Variants in SMG6 observed in about 807,000 individuals in gnomAD.
The protein encoded by SMG6 is SMG6 nonsense mediated mRNA decay factor.
In SMG6, 66 loss-of-function variants were observed where a neutral mutation model predicts 142.2. The ratio of observed to expected loss-of-function variants is 0.46; its 90% CI spans 0.38 to 0.57. The LOEUF is 0.57. Among genes scored for constraint, SMG6 ranks in the 20% least tolerant of loss-of-function variants. The pLI is 0.00. For synonymous variants in SMG6, 779 were observed against 702.4 expected, an observed-to-expected ratio of 1.11 and a Z score of -1.72; for missense variants, 1,793 against 1,832.0, an observed-to-expected ratio of 0.98 and a Z score of 0.39.
intron 12 of SMG6, among the ~76,000 whole-genome samples, chr17:2,182,622 A>G (rs1207829511): frequency 1.3e-5 from 2 of 152,150 alleles, no homozygotes; most frequent in East Asian, 3.9e-4. Flanking sequence ...GAGGTTACCC[A>G]TGAGTCTAGG....
intron 13 of SMG6, among the ~76,000 whole-genome samples, chr17:2,121,156 G>A (rs2069675695): frequency 6.6e-6 from 1 of 152,082 alleles, no homozygotes; most frequent in South Asian, 2.1e-4. Flanking sequence ...TCTAATCCTA[G>A]GCATTTACTC....
At chr17:2,244,606 T>A in intron 9 of SMG6, 52 bp downstream of exon 9, 1 of 1,464,220 alleles carries the variant, frequency 6.8e-7, no homozygotes. Flanking sequence ...AATATTAAAT[T>A]CCAAAATGAC....
At chr17:2,159,293 G>T (rs1196561286) in intron 13 of SMG6, among the ~76,000 whole-genome samples, 1 of 152,024 alleles carries the variant, frequency 6.6e-6, no homozygotes, top group African/African-American at 2.4e-5. Context: ...GGTGTGTGGT[G>T]GCATGCTACA....
chr17:2,188,405 C>A lies in SMG6; in HGVS notation c.2980G>T (p.Ala994Ser), dbSNP rs767735649. 11 of 1,613,678 alleles carry A rather than the reference C, an allele frequency of 6.8e-6. No individual in the cohort carries two copies. The South Asian group carries it at 1.1e-4, about 16-fold the overall frequency. Residue 994 changes from alanine (A) to serine (S), a missense_variant, in exon 11 of 19, where the codon GCC becomes TCC. This residue lies in a region of SMG6 where 1,597 missense variants were observed against 1,584.6 expected (regional missense o/e 1.01). Transcript: ENST00000263073. ...GGGGACTCCTCCTGCTTACCTTTGG[C>A]GGACTCCTTAAGTAAGCAGGTGCAG... The part of the protein sequence containing the change: ...RRCTCLLKES[A>S]KAQLSSPEDQ...
chr17:2,238,763 G>A (rs2073731639), intron 9 of SMG6, among the ~76,000 whole-genome samples: 1 of 152,180 alleles, frequency 6.6e-6, no homozygotes, highest in Non-Finnish European at 1.5e-5. Flanking sequence ...CTCTGGGTCA[G>A]ACTGAAGTCT....
intron 8 of SMG6, among the ~76,000 whole-genome samples, chr17:2,268,354 A>G (rs1256991766): frequency 6.6e-6 from 1 of 152,174 alleles, no homozygotes; most frequent in Admixed American, 6.5e-5. Context: ...TCTGATCTAT[A>G]ATTGTTTTGC....
chr17:2,169,685 C>T lies in SMG6; in HGVS notation c.3357+2973G>A, dbSNP rs919199184. ...ACTGGGTTGAAGGACAGTAGGAGGA[C>T]CTGAGGTCAGAGAGCTTGGGAGTGG... On this transcript the variant is annotated intron_variant, in intron 13 of 18. Transcript: ENST00000263073. Among the ~76,000 whole-genome samples the T allele has an allele frequency of 3.6e-4, 55 of 152,246 alleles. 1 individual carries two copies. Among genetic ancestry groups the T allele is most frequent in the Non-Finnish European group, 7.6e-4 (52 of 68,022 alleles).
intron 13 of SMG6, among the ~76,000 whole-genome samples, chr17:2,145,051 C>T (rs539222784): frequency 1.5e-4 from 23 of 152,290 alleles, no homozygotes; most frequent in African/African-American, 4.8e-4. Context: ...CTGCAGATTT[C>T]TCGTTTTCAT....
At chr17:2,125,445 A>G (rs1439069632) in intron 13 of SMG6, among the ~76,000 whole-genome samples, 1 of 152,264 alleles carries the variant, frequency 6.6e-6, no homozygotes, top group Non-Finnish European at 1.5e-5. Context: ...GATGATGATT[A>G]GCTACAATAT....
At chr17:2,109,915 T>C (rs1459643564) in intron 13 of SMG6, among the ~76,000 whole-genome samples, 1 of 151,824 alleles carries the variant, frequency 6.6e-6, no homozygotes, top group African/African-American at 2.4e-5. Context: ...AAACTCTGTT[T>C]CTACTAAAAA....
chr17:2,257,128 C>T (rs2074202031), intron 8 of SMG6, among the ~76,000 whole-genome samples: 1 of 151,454 alleles, frequency 6.6e-6, no homozygotes, highest in African/African-American at 2.4e-5. Context: ...CTCTGTTGCC[C>T]AGGCTGTAGT....
At chr17:2,130,587 C>G (rs2070086948) in intron 13 of SMG6, among the ~76,000 whole-genome samples, 1 of 151,420 alleles carries the variant, frequency 6.6e-6, no homozygotes, top group Admixed American at 6.6e-5. Context: ...AAATGAAAAC[C>G]AAATATTCAG....
chr17:2,184,617 A>G (rs2071913697), intron 12 of SMG6, among the ~76,000 whole-genome samples: 2 of 138,508 alleles, frequency 1.4e-5, no homozygotes. Flanking sequence ...AGGTCGCGCC[A>G]TTATACTCCA....
intron 9 of SMG6, among the ~76,000 whole-genome samples, chr17:2,241,949 G>C (rs1249861870): frequency 1.3e-5 from 2 of 152,192 alleles, no homozygotes; most frequent in African/African-American, 4.8e-5. Context: ...CAGGGAACAC[G>C]TGGCAATGTC....
chr17:2,175,995 C>T (rs1234278747), intron 12 of SMG6, among the ~76,000 whole-genome samples: 2 of 152,186 alleles, frequency 1.3e-5, no homozygotes, highest in Admixed American at 1.3e-4. Flanking sequence ...ATGGGCGACA[C>T]AGTGACTCTC....
chr17:2,078,410 G>A (rs1328329189), intron 15 of SMG6, among the ~76,000 whole-genome samples: 12 of 147,710 alleles, frequency 8.1e-5, no homozygotes, highest in African/African-American at 2.3e-4. Flanking sequence ...ACAGAGTCTC[G>A]CCCAGGGCTA....
rs1347688318 is a variant in SMG6, at chr17:2,071,415, A to C, written c.3682-2484T>G. On this transcript the variant is annotated intron_variant, in intron 15 of 18. Transcript: ENST00000263073. This position sits in a 1 kb window ranked among gnomAD's most constrained non-coding sequence, Gnocchi z 5.6. Reference sequence around the variant, plus strand: ...TACCTGTGTGTTCTGATGGCAGGACAGAAGAAAAATCTAGAAGCGAGGTCC... The same window carrying C: ...TACCTGTGTGTTCTGATGGCAGGACCGAAGAAAAATCTAGAAGCGAGGTCC... 6.6e-6 allele frequency among the ~76,000 whole-genome samples: 1 copy of C among 152,244 alleles called. No individual in the cohort carries two copies. The highest frequency in any genetic ancestry group is 2.4e-5 in the African/African-American group (1 of 41,468).
At chr17:2,138,370 A>C (rs1296386794) in intron 13 of SMG6, among the ~76,000 whole-genome samples, 1 of 152,168 alleles carries the variant, frequency 6.6e-6, no homozygotes, top group African/African-American at 2.4e-5. Flanking sequence ...TCATGTTTTA[A>C]AATCAACAAG....
At chr17:2,191,385 G>C (rs1386974773) in intron 10 of SMG6, among the ~76,000 whole-genome samples, 4 of 152,190 alleles carry the variant, frequency 2.6e-5, no homozygotes, top group Admixed American at 1.3e-4. Context: ...CTAGTCTGAT[G>C]AATGCCCATA....
Sources: gnomAD v4.1 joint callset for allele counts (sites outside exome capture counted in the v4.1 genomes callset) on GRCh38, gnomAD v4.1.1 for gene constraint, gnomAD v4.1.1 regional missense constraint, Gnocchi (gnomAD v3.1) non-coding constraint, MANE v1.5 for transcripts, NCBI Gene and HGNC (gene_info 2026-07-23, HGNC 2026-07-21) for gene names.